Variants in ZFHX3 observed in about 807,000 individuals in gnomAD.
ZFHX3 encodes the protein zinc finger homeobox 3, also known as zinc finger homeobox protein 3.
In ZFHX3, 42 loss-of-function variants were observed where a neutral mutation model predicts 279.1. The observed-to-expected ratio is 0.15, with a 90% CI of 0.12 to 0.19. The LOEUF is 0.19. Among genes scored for constraint, ZFHX3 ranks in the 10% least tolerant of loss-of-function variants. The pLI is 1.00. For synonymous variants in ZFHX3, 2,293 were observed against 1,957.8 expected, an observed-to-expected ratio of 1.17 and a Z score of -4.52; for missense variants, 4,981 against 4,754.0, an observed-to-expected ratio of 1.05 and a Z score of -1.40.
intron 4 of ZFHX3, among the ~76,000 whole-genome samples, chr16:72,830,344 TGTGCCAGA>T (rs1453249787): frequency 6.6e-6 from 1 of 152,218 alleles, no homozygotes; most frequent in African/African-American, 2.4e-5. Flanking sequence ...TGCCTATGCA[TGTGCCAGA>T]GTGTGTGGGA....
chr16:73,373,689 T>C (rs1040478885), intron 3 of ZFHX3, among the ~76,000 whole-genome samples: 1 of 152,210 alleles, frequency 6.6e-6, no homozygotes, highest in Non-Finnish European at 1.5e-5. Context: ...TGATAAAAAT[T>C]ATCCTTCTGT....
chr16:73,046,248 T>A (rs1027323589), intron 1 of ZFHX3, among the ~76,000 whole-genome samples: 1 of 152,158 alleles, frequency 6.6e-6, no homozygotes, highest in Non-Finnish European at 1.5e-5. Context: ...GGAACCGTGG[T>A]CTCCTGACTT....
Position 73,483,202 on chromosome 16 carries a change from G to T in ZFHX3, c.-1546-26944C>A, listed in dbSNP as rs1198003708. Reference sequence around the variant, plus strand: ...GGGTGACCCCGGAGGAAGAGAACGCGTGGGCCCCTGCTCCAAGTGCCAGCG... The same window carrying T: ...GGGTGACCCCGGAGGAAGAGAACGCTTGGGCCCCTGCTCCAAGTGCCAGCG... On this transcript the variant is annotated intron_variant, in intron 2 of 17. Coordinates refer to the ZFHX3 transcript ENST00000641206. The T allele has an allele frequency of 1.4e-5, 5 of 350,188 alleles. No individual in the cohort carries two copies. The East Asian group carries it at 4.3e-4, about 30-fold the overall frequency. The allele number at this position is 350,188 out of a possible 1,614,324, so 21.7% of individuals were successfully genotyped here.
chr16:73,203,885 T>C (rs2011694428), intron 5 of ZFHX3, among the ~76,000 whole-genome samples: 1 of 152,146 alleles, frequency 6.6e-6, no homozygotes, highest in East Asian at 1.9e-4. Flanking sequence ...GTCTGGTGAG[T>C]TTCAGACTGG....
intron 3 of ZFHX3, among the ~76,000 whole-genome samples, chr16:72,925,002 C>T (rs1959365953): frequency 6.6e-6 from 1 of 152,196 alleles, no homozygotes; most frequent in Admixed American, 6.5e-5. Context: ...GAACTCTGTC[C>T]AGGCAGTCAC....
intron 3 of ZFHX3, among the ~76,000 whole-genome samples, chr16:73,427,619 A>T (rs1003358368): frequency 6.6e-6 from 1 of 152,270 alleles, no homozygotes; most frequent in Non-Finnish European, 1.5e-5. Context: ...ACCAGCAGCA[A>T]CAGTAGCCAC....
At chr16:73,591,714 A>AG (rs2052000896) in intron 2 of ZFHX3, among the ~76,000 whole-genome samples, 1 of 145,242 alleles carries the variant, frequency 6.9e-6, no homozygotes, top group Non-Finnish European at 1.5e-5. Context: ...AAAAAAAAAA[A>AG]AAAAGAAAAG....
chr16:73,546,141 T>C (rs763369508), intron 2 of ZFHX3, among the ~76,000 whole-genome samples: 13 of 152,242 alleles, frequency 8.5e-5, no homozygotes, highest in South Asian at 2.1e-4. Context: ...TTATGGTACA[T>C]TGAAAATTCC....
rs192874714 is a variant in ZFHX3, at chr16:73,697,579, A to C, written c.-1607-17339T>G. 1.6e-4 allele frequency among the ~76,000 whole-genome samples: 25 copies of C among 152,320 alleles called. No homozygotes were observed. The East Asian group carries it at 4.4e-3, about 27-fold the overall frequency. On this transcript the variant is annotated intron_variant, in intron 1 of 17. Coordinates refer to the ZFHX3 transcript ENST00000641206. ...AAGTCATTGATATGCAAATACAGTG[A>C]GGAAGTTCTTGTTTTTGTTTCATAT... is the stretch of plus-strand genomic sequence containing the variant.
At chr16:73,682,950 G>GAA (rs367768557) in intron 1 of ZFHX3, among the ~76,000 whole-genome samples, 2 of 19,082 alleles carry the variant, frequency 1.0e-4, no homozygotes, top group African/African-American at 3.5e-4. Flanking sequence ...AAGAAAGAAA[G>GAA]AAAGAAAGAA....
chr16:73,673,123 A>G (rs2052920418), intron 2 of ZFHX3, among the ~76,000 whole-genome samples: 1 of 152,190 alleles, frequency 6.6e-6, no homozygotes, highest in Non-Finnish European at 1.5e-5. Flanking sequence ...GTTCAAATTA[A>G]TATATTAAAT....
intron 1 of ZFHX3, among the ~76,000 whole-genome samples, chr16:73,693,767 C>T (rs987077446): frequency 2.0e-5 from 3 of 152,110 alleles, no homozygotes; most frequent in Non-Finnish European, 4.4e-5. Flanking sequence ...ATCCACCTTC[C>T]ATTTACAAGA....
chr16:73,370,108 C>A (rs1483815410), intron 3 of ZFHX3, among the ~76,000 whole-genome samples: 1 of 152,194 alleles, frequency 6.6e-6, no homozygotes, highest in Non-Finnish European at 1.5e-5. Context: ...TGCCAAATAA[C>A]TAGAACAGAC....
chr16:73,588,695 CA>C, intron 2 of ZFHX3, among the ~76,000 whole-genome samples: 1 of 85,408 alleles, frequency 1.2e-5, no homozygotes, highest in Admixed American at 1.1e-4. Flanking sequence ...GTCTCAAAAA[CA>C]AAAAACAAAA....
At chr16:73,252,907 C>G (rs942149076) in intron 5 of ZFHX3, among the ~76,000 whole-genome samples, 13 of 152,120 alleles carry the variant, frequency 8.5e-5, no homozygotes, top group Admixed American at 2.6e-4. Context: ...CCACCGGAGT[C>G]CAAAGAGAGG....
intron 1 of ZFHX3, among the ~76,000 whole-genome samples, chr16:73,776,309 T>C (rs1213957083): frequency 1.3e-5 from 2 of 151,912 alleles, no homozygotes; most frequent in African/African-American, 4.8e-5. Context: ...AAACAACAAC[T>C]CCACCTTCCC....
intron 1 of ZFHX3, chr16:73,005,485 A>T (rs765516257): frequency 6.7e-6 from 1 of 149,872 alleles, no homozygotes; most frequent in Non-Finnish European, 1.5e-5. Flanking sequence ...AGGGAACAAG[A>T]CTCTGTCTCA....
rs1961617382 is a variant in ZFHX3 at position 73,852,557 on chromosome 16, C to T, written c.-1608+39094G>A. Among the ~76,000 whole-genome samples the T allele has an allele frequency of 2.0e-5, 3 of 152,218 alleles. 1 individual carries two copies. Among genetic ancestry groups the T allele is most frequent in the Admixed American group, 2.0e-4 (3 of 15,294 alleles). ...AATGTTTGTTATTAAAAAGGGGTATCTAAAGGTTTATGAACTGACATGATC... is the reference window on the plus strand; with the variant it reads ...AATGTTTGTTATTAAAAAGGGGTATTTAAAGGTTTATGAACTGACATGATC... On this transcript the variant is annotated intron_variant, in intron 1 of 17. Coordinates refer to the ZFHX3 transcript ENST00000641206.
intron 3 of ZFHX3, among the ~76,000 whole-genome samples, chr16:73,439,911 AAAAAAAAAAAAAAAAAAAAAACAC>A (rs1410451605): frequency 4.4e-5 from 1 of 22,928 alleles, no homozygotes; most frequent in Non-Finnish European, 2.7e-4. Context: ...GAGAGGGACA[AAAAAAAAAAAAAAAAAAAAAACAC>A]AAAAAAAAAA....
Sources: gnomAD v4.1 joint callset for allele counts (sites outside exome capture counted in the v4.1 genomes callset) on GRCh38, gnomAD v4.1.1 for gene constraint, MANE v1.5 for transcripts, NCBI Gene and HGNC (gene_info 2026-07-23, HGNC 2026-07-21) for gene names.